DTD1: variants seen among roughly 807,000 people sequenced by gnomAD.
DTD1 encodes D-tyrosyl-tRNA deacylase 1 homolog.
In DTD1, 13 loss-of-function variants were observed where a neutral mutation model predicts 25.6. The ratio of observed to expected loss-of-function variants is 0.51; its 90% CI spans 0.33 to 0.81. The LOEUF is 0.81. DTD1 is among the 30% of genes least tolerant of loss of function. The pLI is 0.02. For missense variants in DTD1, 193 were observed against 266.4 expected (o/e 0.72, Z 1.92); for synonymous variants, 110 against 103.6 (o/e 1.06, Z -0.37).
chr20:18,632,781 A>G (rs184464558), intron 4 of DTD1: 21 of 497,622 alleles, frequency 4.2e-5, no homozygotes, highest in African/African-American at 2.1e-4. Context: ...GTGTGTGTGT[A>G]TATGGATGTA....
At chr20:18,667,072 C>G (rs1243340137) in intron 4 of DTD1, among the ~76,000 whole-genome samples, 1 of 152,162 alleles carries the variant, frequency 6.6e-6, no homozygotes, top group Non-Finnish European at 1.5e-5. Context: ...TGACTTCCAG[C>G]AGGTGTGAGA....
chr20:18,677,736 C>T (rs1284412865), intron 4 of DTD1, among the ~76,000 whole-genome samples: 8 of 152,112 alleles, frequency 5.3e-5, no homozygotes, highest in Admixed American at 2.6e-4. Flanking sequence ...ACAGAGAGGC[C>T]GGGTCAGATA....
chr20:18,649,281 T>TTGAGGA, intron 4 of DTD1, among the ~76,000 whole-genome samples: 1 of 143,106 alleles, frequency 7.0e-6, no homozygotes, highest in Non-Finnish European at 1.5e-5. Context: ...AAGACAAGAC[T>TTGAGGA]CGAGCGAGAA....
chr20:18,679,989 G>C (rs2060990398), intron 4 of DTD1, among the ~76,000 whole-genome samples: 1 of 152,176 alleles, frequency 6.6e-6, no homozygotes, highest in South Asian at 2.1e-4. Flanking sequence ...TCCAGGATCA[G>C]TATATGTATC....
At chr20:18,713,865 G>A (rs933983187) in intron 4 of DTD1, among the ~76,000 whole-genome samples, 3 of 152,170 alleles carry the variant, frequency 2.0e-5, no homozygotes, top group African/African-American at 7.2e-5. Flanking sequence ...GTGACATAGC[G>A]TGGTTGTGGA....
At chr20:18,714,543 C>T (rs978236911) in intron 4 of DTD1, among the ~76,000 whole-genome samples, 1 of 152,172 alleles carries the variant, frequency 6.6e-6, no homozygotes, top group Non-Finnish European at 1.5e-5. Context: ...TTGTTCATTT[C>T]TGTGGCTCCT....
At chr20:18,667,766 C>T (rs921823706) in intron 4 of DTD1, among the ~76,000 whole-genome samples, 3 of 152,192 alleles carry the variant, frequency 2.0e-5, no homozygotes. Context: ...CAGGTTTCCA[C>T]AGAAAGCCCC....
chr20:18,611,240 G>A (rs1411784739), intron 3 of DTD1: 1 of 152,140 alleles, frequency 6.6e-6, no homozygotes, highest in Non-Finnish European at 1.5e-5. Flanking sequence ...TATATCAACA[G>A]TGTGTCACAT....
chr20:18,658,176 A>G (rs1204987081), intron 4 of DTD1, among the ~76,000 whole-genome samples: 13 of 146,442 alleles, frequency 8.9e-5, no homozygotes, highest in Non-Finnish European at 1.8e-4. Context: ...GGCAGAGGGC[A>G]TAAGAGTCTG....
intron 5 of DTD1, among the ~76,000 whole-genome samples, chr20:18,754,870 C>A (rs1222393633): frequency 6.6e-6 from 1 of 152,216 alleles, no homozygotes; most frequent in Non-Finnish European, 1.5e-5. Context: ...CCACTGCTGG[C>A]CAAAAATCTC....
chr20:18,647,223 G>A (rs2122347493), intron 4 of DTD1, among the ~76,000 whole-genome samples: 1 of 152,252 alleles, frequency 6.6e-6, no homozygotes, highest in African/African-American at 2.4e-5. Flanking sequence ...ATAGAAATTG[G>A]GGTGGTTGCC....
chr20:18,599,926 T>C (rs1015558918), intron 3 of DTD1, among the ~76,000 whole-genome samples: 2 of 152,236 alleles, frequency 1.3e-5, no homozygotes, highest in African/African-American at 2.4e-5. Flanking sequence ...TTATCAGATA[T>C]GTCTTTTGCA....
At chr20:18,724,283 G>A (rs574771359) in intron 4 of DTD1, among the ~76,000 whole-genome samples, 20 of 152,290 alleles carry the variant, frequency 1.3e-4, no homozygotes, top group Non-Finnish European at 2.1e-4. Flanking sequence ...GGGGCAGCGT[G>A]GGCAGGTAGG....
chr20:18,588,983 A>G (rs2060577953), intron 1 of DTD1: 2 of 643,396 alleles, frequency 3.1e-6, no homozygotes, highest in Non-Finnish European at 1.9e-6. Flanking sequence ...TTCAGTTCAA[A>G]TAATTTCAGA....
At chr20:18,599,196 A>G (rs998957132) in intron 3 of DTD1, among the ~76,000 whole-genome samples, 2 of 152,058 alleles carry the variant, frequency 1.3e-5, no homozygotes, top group Admixed American at 6.6e-5. Context: ...ATTTTTTGAG[A>G]TGGAGTTTTG....
intron 4 of DTD1, among the ~76,000 whole-genome samples, chr20:18,645,921 T>C (rs1180096352): frequency 1.3e-5 from 2 of 152,232 alleles, no homozygotes; most frequent in African/African-American, 2.4e-5. Context: ...TTTAAGATTC[T>C]GGGCATAGTG....
chr20:18,663,236 A>G (rs1314895290), intron 4 of DTD1, among the ~76,000 whole-genome samples: 1 of 152,032 alleles, frequency 6.6e-6, no homozygotes, highest in African/African-American at 2.4e-5. Flanking sequence ...AAGTGTCCAT[A>G]TAGCTGGGTG....
At chr20:18,600,454 G>T (rs1250344471) in intron 3 of DTD1, among the ~76,000 whole-genome samples, 3 of 152,028 alleles carry the variant, frequency 2.0e-5, no homozygotes, top group Non-Finnish European at 4.4e-5. Flanking sequence ...CTGTTCCATT[G>T]GTCTGTTTCT....
intron 4 of DTD1, among the ~76,000 whole-genome samples, chr20:18,688,837 T>C (rs2061028820): frequency 2.6e-5 from 4 of 151,860 alleles, no homozygotes; most frequent in South Asian, 4.2e-4. Context: ...GAATATTGAG[T>C]AGGAAGCAGG....
Sources: allele counts gnomAD v4.1 joint callset (sites outside exome capture counted in the v4.1 genomes callset), GRCh38; gene constraint gnomAD v4.1.1; transcripts MANE v1.5; gene names NCBI Gene and HGNC (gene_info 2026-07-23, HGNC 2026-07-21).